Variants in NRXN3 observed in about 807,000 individuals in gnomAD.
NRXN3 encodes neurexin III.
Under a neutral mutation model 137.6 loss-of-function variants are expected in NRXN3, and 32 were observed. That is an observed-to-expected ratio of 0.23 (90% CI 0.18 to 0.31). The LOEUF (loss-of-function observed/expected upper bound fraction) is 0.31, where lower values mean the gene tolerates loss of function less well. Ranked by LOEUF, NRXN3 falls within the 10% of genes least tolerant of loss-of-function variation. The probability of loss-of-function intolerance (pLI) is 1.00; values close to 1 mark genes in which losing one functional copy is unlikely to be tolerated. For synonymous variants in NRXN3, 798 were observed against 784.5 expected (o/e 1.02, Z -0.29); for missense variants, 1,574 against 2,062.5 (o/e 0.76, Z 4.59).
At chr14:78,303,199 C>T (rs1013423087) in intron 4 of NRXN3, among the ~76,000 whole-genome samples, 21 of 152,270 alleles carry the variant, frequency 1.4e-4, no homozygotes, top group Non-Finnish European at 2.9e-4. Context: ...AATAGTCCCT[C>T]ATCCCCTTTT....
intron 17 of NRXN3, among the ~76,000 whole-genome samples, chr14:79,670,372 G>A (rs1040972396): frequency 9.2e-5 from 14 of 152,162 alleles, no homozygotes; most frequent in Middle Eastern, 6.8e-3. Context: ...TTTGGAGTCA[G>A]ACTTTCTAGG....
intron 10 of NRXN3, among the ~76,000 whole-genome samples, chr14:78,923,314 T>G (rs1238382337): frequency 6.6e-6 from 1 of 152,210 alleles, no homozygotes; most frequent in Non-Finnish European, 1.5e-5. Flanking sequence ...CTGTTCTTCA[T>G]GTTGAATGAG....
In NRXN3 at chr14:79,858,950, G is replaced by C. The variant is rs1020642708; in HGVS notation, c.4094-2392G>C. ...AATTATGCATTAAATAAGTTGTAAG[G>C]CATATGAATTATATATGTTCACAAT... On this transcript the variant is annotated intron_variant, in intron 20 of 20. Transcript: ENST00000335750. 2.0e-5 allele frequency among the ~76,000 whole-genome samples: 3 copies of C among 147,188 alleles called. No homozygotes were observed. In the Admixed American group the frequency reaches 2.1e-4, roughly 10 times the overall value.
chr14:79,714,202 C>G (rs549370870), intron 19 of NRXN3, among the ~76,000 whole-genome samples: 12 of 152,300 alleles, frequency 7.9e-5, no homozygotes, highest in African/African-American at 2.9e-4. Flanking sequence ...TATACAAGAA[C>G]TTGCTATCAG....
chr14:79,728,962 G>C (rs2098909932), intron 19 of NRXN3, among the ~76,000 whole-genome samples: 1 of 152,190 alleles, frequency 6.6e-6, no homozygotes, highest in South Asian at 2.1e-4. Flanking sequence ...AGGTGCTAGA[G>C]ATACAGATAC....
At chr14:78,878,837 C>G (rs1271886122) in intron 10 of NRXN3, among the ~76,000 whole-genome samples, 2 of 152,010 alleles carry the variant, frequency 1.3e-5, no homozygotes, top group Non-Finnish European at 2.9e-5. Flanking sequence ...TTTGGTCAAA[C>G]ATCTCTCTAA....
At chr14:79,007,841 G>A (rs1346317343) in intron 15 of NRXN3, among the ~76,000 whole-genome samples, 1 of 146,172 alleles carries the variant, frequency 6.8e-6, no homozygotes, top group East Asian at 2.1e-4. Context: ...AGAAAAATGT[G>A]TTGATTACAG....
chr14:79,060,267 G>A (rs1284022161), intron 15 of NRXN3, among the ~76,000 whole-genome samples: 1 of 152,200 alleles, frequency 6.6e-6, no homozygotes, highest in Non-Finnish European at 1.5e-5. Context: ...AGATTCAACA[G>A]CAAGTACTAT....
At position 79,866,347 on chromosome 14, in the gene NRXN3, T is replaced by C. The variant is rs2099418068; in HGVS notation, c.*4383T>C. The C allele has an allele frequency of 1.3e-5, 2 of 152,170 alleles. No homozygotes were observed. Among genetic ancestry groups the C allele is most frequent in the Admixed American group, 1.3e-4 (2 of 15,276 alleles). 9.4% of individuals were successfully genotyped at this position (152,170 alleles called of 1,614,324 possible). Reference sequence around the variant, plus strand: ...TAAAGATGAACAAAAAATGGTACTATAGTGAATGCAAATAAGCTATCAAAA... The same window carrying C: ...TAAAGATGAACAAAAAATGGTACTACAGTGAATGCAAATAAGCTATCAAAA... On this transcript the variant is annotated 3_prime_UTR_variant, in exon 21 of 21. Transcript: ENST00000335750.
chr14:78,700,917 A>G (rs990788085), intron 6 of NRXN3, among the ~76,000 whole-genome samples: 2 of 152,042 alleles, frequency 1.3e-5, no homozygotes, highest in Non-Finnish European at 2.9e-5. Context: ...GATTACAGGC[A>G]TCCACCACCA....
intron 4 of NRXN3, among the ~76,000 whole-genome samples, chr14:78,335,051 G>T (rs2081299881): frequency 6.6e-6 from 1 of 152,068 alleles, no homozygotes; most frequent in African/African-American, 2.4e-5. Flanking sequence ...GTCATCCCAG[G>T]CTCTCACCCC....
intron 15 of NRXN3, among the ~76,000 whole-genome samples, chr14:79,339,551 A>G (rs889337362): frequency 6.6e-6 from 1 of 152,238 alleles, no homozygotes; most frequent in African/African-American, 2.4e-5. Flanking sequence ...GACCACCTGC[A>G]TTAGCATCAC....
chr14:79,785,018 A>T (rs553618970), intron 19 of NRXN3, among the ~76,000 whole-genome samples: 5 of 152,196 alleles, frequency 3.3e-5, no homozygotes, highest in Non-Finnish European at 5.9e-5. Flanking sequence ...ATTCTTTGTA[A>T]GGCTTTCACC....
intron 4 of NRXN3, among the ~76,000 whole-genome samples, chr14:78,548,156 T>G (rs1377664585): frequency 6.6e-6 from 1 of 151,940 alleles, no homozygotes; most frequent in African/African-American, 2.4e-5. Context: ...TCAGAAGAGG[T>G]AAAACTATCT....
intron 15 of NRXN3, among the ~76,000 whole-genome samples, chr14:79,286,507 T>C (rs952986646): frequency 2.0e-5 from 3 of 148,586 alleles, no homozygotes; most frequent in Admixed American, 6.8e-5. Flanking sequence ...GACATGGTTA[T>C]GAAGCTTGGT....
chr14:79,157,566 A>G (rs893599756), intron 15 of NRXN3, among the ~76,000 whole-genome samples: 13 of 151,858 alleles, frequency 8.6e-5, no homozygotes, highest in African/African-American at 3.1e-4. Context: ...TCATGACATG[A>G]GCCAAAAGCT....
At chr14:78,758,497 ATG>A (rs1240424571) in intron 8 of NRXN3, among the ~76,000 whole-genome samples, 1 of 152,082 alleles carries the variant, frequency 6.6e-6, no homozygotes, top group Non-Finnish European at 1.5e-5. Flanking sequence ...AAATGGCCAA[ATG>A]TGTGTTTTAT....
At chr14:79,730,850 C>A (rs531695396) in intron 19 of NRXN3, among the ~76,000 whole-genome samples, 2 of 152,098 alleles carry the variant, frequency 1.3e-5, no homozygotes, top group Non-Finnish European at 2.9e-5. Context: ...AGCCTTAACC[C>A]GGTCAGTAAA....
At chr14:78,855,601 CAA>C (rs1186271237) in intron 10 of NRXN3, among the ~76,000 whole-genome samples, 1 of 151,590 alleles carries the variant, frequency 6.6e-6, no homozygotes, top group Non-Finnish European at 1.5e-5. Context: ...GATTTTAGCA[CAA>C]AAAAAACTAA....
Sources: allele counts gnomAD v4.1 joint callset (sites outside exome capture counted in the v4.1 genomes callset), GRCh38; gene constraint gnomAD v4.1.1; transcripts MANE v1.5; gene names NCBI Gene and HGNC (gene_info 2026-07-23, HGNC 2026-07-21).